The following SAMD8 variants were observed in gnomAD, a reference collection of about 807,000 sequenced individuals.
SAMD8 encodes sterile alpha motif domain containing 8.
Under a neutral mutation model 42.0 loss-of-function variants are expected in SAMD8, and 20 were observed. That is an observed-to-expected ratio of 0.48 (90% CI 0.34 to 0.69). SAMD8 has a LOEUF of 0.69. SAMD8 is among the 30% of genes least tolerant of loss of function. The probability of loss-of-function intolerance (pLI) is 0.01; values close to 1 mark genes in which losing one functional copy is unlikely to be tolerated. For missense variants in SAMD8, 328 were observed against 511.6 expected (o/e 0.64, Z 3.46); for synonymous variants, 162 against 173.0 (o/e 0.94, Z 0.50).
At position 75,177,426 on chromosome 10, in the gene SAMD8, C is replaced by T. The variant is rs1053461114; in HGVS notation, c.*734C>T. The T allele has an allele frequency of 2.0e-5, 3 of 152,260 alleles. No homozygotes were observed. Among genetic ancestry groups the T allele is most frequent in the East Asian group, 1.9e-4 (1 of 5,190 alleles). The allele number at this position is 152,260 out of a possible 1,614,324, so 9.4% of individuals were successfully genotyped here. A position where few individuals can be genotyped will look rare whatever the true frequency, so the allele number is the denominator to read the frequency against. Reference sequence around the variant, plus strand: ...ATTCATGAGGGAAAAATGGCTGCATCCATAAAAATAAATGGGCTTAATGTT... The same window carrying T: ...ATTCATGAGGGAAAAATGGCTGCATTCATAAAAATAAATGGGCTTAATGTT... On this transcript the variant is annotated 3_prime_UTR_variant, in exon 6 of 6. Coordinates refer to ENST00000542569, the MANE Select transcript of SAMD8 (RefSeq NM_001174156.2).
intron 2 of SAMD8, among the ~76,000 whole-genome samples, chr10:75,161,008 C>T (rs1181299855): frequency 1.3e-5 from 2 of 152,068 alleles, no homozygotes; most frequent in South Asian, 2.1e-4. Context: ...GTGGAGGTTG[C>T]AGTTAGCCGC....
chr10:75,132,519 A>T (rs963286891), intron 1 of SAMD8, among the ~76,000 whole-genome samples: 1 of 152,206 alleles, frequency 6.6e-6, no homozygotes, highest in Non-Finnish European at 1.5e-5. Context: ...AATTTACCAA[A>T]TTAGTGACCC....
chr10:75,111,572 C>T, upstream of SAMD8: 3 of 1,250,528 alleles, frequency 2.4e-6, no homozygotes, highest in South Asian at 1.0e-4. Context: ...GTCGCCACCG[C>T]CCCCGCCTCC....
At position 75,154,947 on chromosome 10, in the gene SAMD8, T is replaced by G. The variant is rs1014530201; in HGVS notation, c.578+3841T>G. Among the ~76,000 whole-genome samples, 5 of 152,228 alleles carry G rather than the reference T, an allele frequency of 3.3e-5. No individual in the cohort carries two copies. In the East Asian group the frequency reaches 9.6e-4, roughly 29 times the overall value. On this transcript the variant is annotated intron_variant, in intron 2 of 5. Transcript: ENST00000542569. ...TCACTCTGTTCTCCAGGCTGGAGTT[T>G]AGTGGTGCATTCATAGATCACTGTA...
Position 75,111,709 on chromosome 10 carries a change from C to T in SAMD8, c.-29C>T, listed in dbSNP as rs1848773379. Reference sequence around the variant, plus strand: ...TCGGAGGTGGGTCCGGGGAGCCCGACTCGGACCGCGGAGGTGAGCGGGAGC... The same window carrying T: ...TCGGAGGTGGGTCCGGGGAGCCCGATTCGGACCGCGGAGGTGAGCGGGAGC... On this transcript the variant is annotated 5_prime_UTR_variant, in exon 1 of 6. Coordinates refer to ENST00000542569, the MANE Select transcript of SAMD8 (RefSeq NM_001174156.2). 8.1e-7 allele frequency: 1 copy of T among 1,234,576 alleles called. No individual in the cohort carries two copies. The highest frequency in any genetic ancestry group is 1.0e-6 in the Non-Finnish European group (1 of 989,236). 76.5% of individuals were successfully genotyped at this position (1,234,576 alleles called of 1,614,324 possible). A position where few individuals can be genotyped will look rare whatever the true frequency, so the allele number is the denominator to read the frequency against.
chr10:75,119,875 G>A (rs911912736), intron 1 of SAMD8, among the ~76,000 whole-genome samples: 4 of 152,196 alleles, frequency 2.6e-5, no homozygotes, highest in Non-Finnish European at 4.4e-5. Context: ...AGACCAGCCT[G>A]GCCAACATGG....
chr10:75,147,774 T>G (rs1022086740), intron 1 of SAMD8, among the ~76,000 whole-genome samples: 1 of 152,152 alleles, frequency 6.6e-6, no homozygotes, highest in African/African-American at 2.4e-5. Flanking sequence ...GTAGGTAGGG[T>G]GAAAGCATCT....
At chr10:75,126,493 C>CT (rs1299879278) in intron 1 of SAMD8, among the ~76,000 whole-genome samples, 1 of 139,282 alleles carries the variant, frequency 7.2e-6, no homozygotes, top group East Asian at 2.1e-4. Flanking sequence ...CATATGAGTG[C>CT]TTTTGCTTTT....
At chr10:75,153,210 G>C (rs1399215360) in intron 2 of SAMD8, among the ~76,000 whole-genome samples, 1 of 151,966 alleles carries the variant, frequency 6.6e-6, no homozygotes, top group African/African-American at 2.4e-5. Context: ...TCGAACTCCT[G>C]ACCTCAAATG....
intron 1 of SAMD8, among the ~76,000 whole-genome samples, chr10:75,145,443 G>GTTGTTGGACATTATGAATTCA (rs1208221789): frequency 6.6e-6 from 1 of 152,112 alleles, no homozygotes; most frequent in African/African-American, 2.4e-5. Context: ...TTATGAATTA[G>GTTGTTGGACATTATGAATTCA]TTGTTGGACA....
intron 1 of SAMD8, among the ~76,000 whole-genome samples, chr10:75,122,263 T>G (rs1036389518): frequency 2.6e-5 from 4 of 152,176 alleles, no homozygotes; most frequent in African/African-American, 4.8e-5. Context: ...ATATACCATA[T>G]TTGCTATTTT....
At chr10:75,157,560 T>C (rs1840441224) in intron 2 of SAMD8, among the ~76,000 whole-genome samples, 1 of 152,120 alleles carries the variant, frequency 6.6e-6, no homozygotes, top group African/African-American at 2.4e-5. Context: ...TTTCTCTGTT[T>C]AAAGACAAAA....
chr10:75,105,719 G>A (rs753605053), intron 1 of SAMD8: 1 of 1,554,012 alleles, frequency 6.4e-7, no homozygotes, highest in Admixed American at 1.9e-5. Context: ...CAGAGCTGGT[G>A]CAGGAAGCCT....
At chr10:75,170,029 AT>A (rs1840811087) in intron 4 of SAMD8, among the ~76,000 whole-genome samples, 1 of 152,206 alleles carries the variant, frequency 6.6e-6, no homozygotes, top group Admixed American at 6.5e-5. Context: ...TTCATTTTAT[AT>A]TTTGTGGATT....
intron 1 of SAMD8, among the ~76,000 whole-genome samples, chr10:75,132,691 G>A (rs1413969484): frequency 9.4e-6 from 1 of 106,546 alleles, no homozygotes; most frequent in Non-Finnish European, 1.7e-5. Flanking sequence ...GCTGTCCAAA[G>A]GCAGATTTTT....
chr10:75,111,588 G>A, upstream of SAMD8: 1 of 1,251,696 alleles, frequency 8.0e-7, no homozygotes, highest in Non-Finnish European at 1.0e-6. Context: ...CCTCCACTCC[G>A]GCTCCCCGCC....
intron 2 of SAMD8, among the ~76,000 whole-genome samples, chr10:75,164,295 C>A (rs1027534343): frequency 2.0e-5 from 3 of 152,236 alleles, no homozygotes; most frequent in East Asian, 1.9e-4. Flanking sequence ...GCACTTCATG[C>A]AAGAAATGGG....
chr10:75,107,973 C>T (rs2134397630), upstream of SAMD8: 2 of 1,600,380 alleles, frequency 1.2e-6, no homozygotes, highest in Admixed American at 3.5e-5. Flanking sequence ...GGGATATGGG[C>T]TTGGACCCCA....
At chr10:75,111,342 C>G (rs1396620619), upstream of SAMD8, 3 of 435,500 alleles carry the variant, frequency 6.9e-6, no homozygotes. Flanking sequence ...GCTTTGGCCT[C>G]CGGCATGACG....
Sources: allele counts gnomAD v4.1 joint callset (sites outside exome capture counted in the v4.1 genomes callset), GRCh38; gene constraint gnomAD v4.1.1; transcripts MANE v1.5; gene names NCBI Gene and HGNC (gene_info 2026-07-23, HGNC 2026-07-21).